The following GAREM1 variants were observed in gnomAD, a reference collection of about 807,000 sequenced individuals.
GAREM1 encodes GRB2-associated and regulator of MAPK protein 1.
GAREM1 carries 26 observed loss-of-function variants against 71.3 expected under a neutral mutation model. That is an observed-to-expected ratio of 0.36 (90% CI 0.27 to 0.51). The LOEUF is 0.51. Ranked by LOEUF, GAREM1 falls within the 20% of genes least tolerant of loss-of-function variation. GAREM1 has a pLI of 0.95. For missense variants in GAREM1, 1,026 were observed against 1,103.1 expected (o/e 0.93, Z 0.99); for synonymous variants, 440 against 433.2 (o/e 1.02, Z -0.20).
rs571163695 is a variant in GAREM1, at chr18:32,447,582, A to T, written c.121+22726T>A. Among the ~76,000 whole-genome samples, 56 of 152,274 alleles carry T rather than the reference A, an allele frequency of 3.7e-4. 1 individual carries two copies. Among genetic ancestry groups the T allele is most frequent in the African/African-American group, 9.9e-4 (41 of 41,568 alleles). ...ATGTAGTGGTGAAGTCTAGAAAACTATTTATTTTACAGGAAAGCAATAATG... is the reference window on the plus strand; with the variant it reads ...ATGTAGTGGTGAAGTCTAGAAAACTTTTTATTTTACAGGAAAGCAATAATG... On this transcript the variant is annotated intron_variant, in intron 1 of 5. Coordinates refer to ENST00000269209, the MANE Select transcript of GAREM1 (RefSeq NM_001242409.2).
chr18:32,315,428 G>GTA (rs1297011369), intron 2 of GAREM1, among the ~76,000 whole-genome samples: 46 of 142,172 alleles, frequency 3.2e-4, no homozygotes, highest in African/African-American at 9.3e-4. Flanking sequence ...TATATATAAA[G>GTA]TATATATAAA....
chr18:32,340,990 T>G (rs2047641936), intron 2 of GAREM1, among the ~76,000 whole-genome samples: 1 of 152,196 alleles, frequency 6.6e-6, no homozygotes, highest in African/African-American at 2.4e-5. Context: ...ATTATTTTTT[T>G]TTTGATACTT....
chr18:32,388,363 T>C (rs1052314578), intron 2 of GAREM1, among the ~76,000 whole-genome samples: 2 of 152,182 alleles, frequency 1.3e-5, no homozygotes, highest in African/African-American at 4.8e-5. Flanking sequence ...GCCACCTTCA[T>C]AGTAAAAACA....
intron 1 of GAREM1, among the ~76,000 whole-genome samples, chr18:32,414,905 C>T (rs2048453548): frequency 6.6e-6 from 1 of 151,486 alleles, no homozygotes; most frequent in Non-Finnish European, 1.5e-5. Flanking sequence ...ATACAAAATA[C>T]CAATTAAACG....
intron 4 of GAREM1, among the ~76,000 whole-genome samples, chr18:32,276,860 G>T (rs1187510179): frequency 6.6e-6 from 1 of 152,120 alleles, no homozygotes; most frequent in East Asian, 1.9e-4. Context: ...AGTGAAGAAG[G>T]CTGAACCCCC....
intron 5 of GAREM1, among the ~76,000 whole-genome samples, chr18:32,269,069 C>T (rs2041418523): frequency 6.6e-6 from 1 of 152,092 alleles, no homozygotes; most frequent in South Asian, 2.1e-4. Flanking sequence ...ATTATTAAGT[C>T]ACGTGTAGGC....
intron 2 of GAREM1, among the ~76,000 whole-genome samples, chr18:32,330,093 T>C (rs1168018116): frequency 6.6e-6 from 1 of 152,104 alleles, no homozygotes; most frequent in East Asian, 1.9e-4. Flanking sequence ...ATAGCAAAGA[T>C]ATGGAATCAA....
At chr18:32,461,271 C>T (rs897007934) in intron 1 of GAREM1, among the ~76,000 whole-genome samples, 4 of 152,082 alleles carry the variant, frequency 2.6e-5, no homozygotes, top group African/African-American at 9.7e-5. Context: ...AGGCATTGTG[C>T]TAAGAGCTGA....
intron 4 of GAREM1, among the ~76,000 whole-genome samples, chr18:32,283,120 A>G (rs1045806902): frequency 5.9e-5 from 9 of 152,244 alleles, no homozygotes; most frequent in African/African-American, 1.9e-4. Flanking sequence ...CTCAGCTGCA[A>G]CAGTTCTAGG....
rs1002639218 is a variant in GAREM1, at chr18:32,423,300, A to G, written c.122-30265T>C. The stretch of plus-strand genomic sequence containing the variant: ...TCAGTGAGAGCATTCTGCAAATCAT[A>G]AATGTTACACAAGTGCCAGATATTA... On this transcript the variant is annotated intron_variant, in intron 1 of 5. Coordinates refer to ENST00000269209, the MANE Select transcript of GAREM1 (RefSeq NM_001242409.2). Among the ~76,000 whole-genome samples, 2 of 152,162 alleles carry G rather than the reference A, an allele frequency of 1.3e-5. 1 individual carries two copies. The highest frequency in any genetic ancestry group is 4.8e-5 in the African/African-American group (2 of 41,400).
At chr18:32,339,298 C>T (rs1240804011) in intron 2 of GAREM1, among the ~76,000 whole-genome samples, 3 of 152,148 alleles carry the variant, frequency 2.0e-5, no homozygotes, top group Admixed American at 1.3e-4. Context: ...GTCCACCGCC[C>T]ACTGATAAGT....
intron 2 of GAREM1, among the ~76,000 whole-genome samples, chr18:32,313,890 G>A (rs2047349922): frequency 6.6e-6 from 1 of 152,088 alleles, no homozygotes; most frequent in Admixed American, 6.5e-5. Context: ...AAGGCTTTAA[G>A]GATATAGAGG....
rs995491967 is a variant in GAREM1 at position 32,266,387 on chromosome 18, G to A, written c.*1484C>T. On this transcript the variant is annotated 3_prime_UTR_variant, in exon 6 of 6. Transcript: ENST00000269209. Reference sequence around the variant, plus strand: ...ACTGGCTGACCTTCCTATTCAAGAGGGCACTGTGTGCACCTCGGTCATGGG... The same window carrying A: ...ACTGGCTGACCTTCCTATTCAAGAGAGCACTGTGTGCACCTCGGTCATGGG... The A allele has an allele frequency of 6.9e-6, 1 of 145,626 alleles. No homozygotes were observed. The highest frequency in any genetic ancestry group is 1.5e-5 in the Non-Finnish European group (1 of 64,602). The allele number at this position is 145,626 out of a possible 1,614,324, so 9.0% of individuals were successfully genotyped here.
intron 4 of GAREM1, among the ~76,000 whole-genome samples, chr18:32,279,005 A>C (rs1289387978): frequency 6.6e-6 from 1 of 152,154 alleles, no homozygotes; most frequent in Non-Finnish European, 1.5e-5. Context: ...CAGTGGCAGG[A>C]GGGGCAAGTG....
intron 1 of GAREM1, among the ~76,000 whole-genome samples, chr18:32,432,412 T>C (rs976996765): frequency 2.6e-5 from 4 of 151,730 alleles, no homozygotes; most frequent in African/African-American, 9.7e-5. Flanking sequence ...AGAGCACAAA[T>C]AAAAGAAAAA....
chr18:32,378,915 T>C (rs1038073036), intron 2 of GAREM1, among the ~76,000 whole-genome samples: 1 of 151,954 alleles, frequency 6.6e-6, no homozygotes, highest in Non-Finnish European at 1.5e-5. Context: ...ACACAAATAT[T>C]GTATCATGGG....
chr18:32,383,246 T>C (rs754215965), intron 2 of GAREM1, among the ~76,000 whole-genome samples: 2 of 152,152 alleles, frequency 1.3e-5, no homozygotes, highest in Non-Finnish European at 2.9e-5. Context: ...GCTCCAGATA[T>C]CAGAAAAGTT....
chr18:32,407,279 A>C (rs931649815), intron 1 of GAREM1, among the ~76,000 whole-genome samples: 6 of 152,202 alleles, frequency 3.9e-5, no homozygotes, highest in Non-Finnish European at 8.8e-5. Flanking sequence ...AAAAATGAGA[A>C]CATAGTTGCC....
At chr18:32,282,667 C>G (rs1046885776) in intron 4 of GAREM1, among the ~76,000 whole-genome samples, 1 of 152,186 alleles carries the variant, frequency 6.6e-6, no homozygotes, top group Non-Finnish European at 1.5e-5. Flanking sequence ...ACCTCGGCTT[C>G]CCAAAGTGCT....
Sources: allele counts gnomAD v4.1 joint callset (sites outside exome capture counted in the v4.1 genomes callset), GRCh38; gene constraint gnomAD v4.1.1; transcripts MANE v1.5; gene names NCBI Gene and HGNC (gene_info 2026-07-23, HGNC 2026-07-21).